ANXA4: variants seen among roughly 807,000 people sequenced by gnomAD.
The protein encoded by ANXA4 is annexin A4.
A neutral mutation model predicts 49.8 loss-of-function variants in ANXA4; 39 were observed. That is an observed-to-expected ratio of 0.78 (90% confidence interval 0.61 to 1.02). The LOEUF (loss-of-function observed/expected upper bound fraction) is 1.02, where lower values mean the gene tolerates loss of function less well. ANXA4 is among the 50% of genes least tolerant of loss of function. The probability of loss-of-function intolerance (pLI) is 0.00; values close to 1 mark genes in which losing one functional copy is unlikely to be tolerated. For synonymous variants in ANXA4, 134 were observed against 152.5 expected (o/e 0.88, Z 0.89); for missense variants, 360 against 410.1 (o/e 0.88, Z 1.05).
intron 3 of ANXA4, among the ~76,000 whole-genome samples, chr2:69,727,904 C>T (rs1670001575): frequency 6.6e-6 from 1 of 152,188 alleles, no homozygotes; most frequent in African/African-American, 2.4e-5. Context: ...TAACCTAAGT[C>T]AGTTCTTCAG....
Position 69,788,156 on chromosome 2 carries a change from G to A in ANXA4, c.97+15G>A. On this transcript the variant is annotated intron_variant, in intron 3 of 12. Coordinates refer to ENST00000394295, the MANE Select transcript of ANXA4 (RefSeq NM_001153.5). ...GAAAGGGCTCGGTATGTGTCCTGCT[G>A]GAAGTGAATCCTCCTGCGTGCATTG... is the stretch of plus-strand genomic sequence containing the variant. The A allele has an allele frequency of 1.9e-6, 3 of 1,608,972 alleles. No individual in the cohort carries two copies. Among genetic ancestry groups the A allele is most frequent in the Non-Finnish European group, 2.6e-6 (3 of 1,175,498 alleles).
chr2:69,773,733 G>A (rs1477084861), intron 1 of ANXA4, among the ~76,000 whole-genome samples: 1 of 145,424 alleles, frequency 6.9e-6, no homozygotes, highest in Admixed American at 7.2e-5. Flanking sequence ...CTGGGTTCAA[G>A]CAATTCTACT....
At chr2:69,690,324 C>T (rs968070534) in intron 2 of ANXA4, among the ~76,000 whole-genome samples, 12 of 152,080 alleles carry the variant, frequency 7.9e-5, no homozygotes, top group Non-Finnish European at 1.6e-4. Context: ...CTGCAGCCTC[C>T]ACCTCCTGGG....
upstream of ANXA4, among the ~76,000 whole-genome samples, chr2:69,740,678 C>CTTTTT (rs1670363934): frequency 1.1e-5 from 1 of 94,652 alleles, no homozygotes; most frequent in South Asian, 2.8e-4. Flanking sequence ...TTCTTTCTTC[C>CTTTTT]TCTTTTTTTT....
chr2:69,824,456 T>C (rs139561100), intron 12 of ANXA4, among the ~76,000 whole-genome samples: 3 of 150,458 alleles, frequency 2.0e-5, no homozygotes, highest in East Asian at 3.9e-4. Context: ...TGAGCCAGGA[T>C]TGCACCATTG....
At chr2:69,660,206 C>T (rs963814413) in intron 2 of ANXA4, among the ~76,000 whole-genome samples, 6 of 152,202 alleles carry the variant, frequency 3.9e-5, no homozygotes, top group Non-Finnish European at 7.3e-5. Flanking sequence ...ACCTGCTTTT[C>T]ACATTGCTTT....
chr2:69,805,560 C>T (rs1055483647), intron 4 of ANXA4, among the ~76,000 whole-genome samples: 4 of 150,062 alleles, frequency 2.7e-5, no homozygotes, highest in South Asian at 2.1e-4. Context: ...GAGTCAAGAT[C>T]GTGCCACTGC....
chr2:69,673,687 GACACACACACACACACAC>G (rs72114703), intron 2 of ANXA4, among the ~76,000 whole-genome samples: 5 of 139,128 alleles, frequency 3.6e-5, no homozygotes, highest in African/African-American at 1.1e-4. Flanking sequence ...TTTTTTCAAA[GACACACACACACACACAC>G]ACACACACAC....
At chr2:69,820,030 T>C (rs1242317021) in intron 11 of ANXA4, among the ~76,000 whole-genome samples, 25 of 149,510 alleles carry the variant, frequency 1.7e-4, no homozygotes, top group African/African-American at 5.9e-4. Flanking sequence ...ATTGCACTAC[T>C]GCACTCCAGC....
intron 1 of ANXA4, among the ~76,000 whole-genome samples, chr2:69,651,816 TTGGGGG>T (rs1676250996): frequency 2.7e-4 from 5 of 18,840 alleles, no homozygotes; most frequent in African/African-American, 5.1e-4. Flanking sequence ...TTTTTTTTTT[TTGGGGG>T]GGGGGGGCGG....
intron 2 of ANXA4, 96 bp downstream of exon 2, chr2:69,781,670 ACTCAAC>A: frequency 4.9e-6 from 7 of 1,423,480 alleles, no homozygotes; most frequent in Non-Finnish European, 6.9e-6. Context: ...AGCATTGTTT[ACTCAAC>A]AGAGGGGAAG....
At chr2:69,673,491 TGGGGTTGGGGGTTG>T (rs1276823648) in intron 2 of ANXA4, among the ~76,000 whole-genome samples, 1 of 37,038 alleles carries the variant, frequency 2.7e-5, no homozygotes, top group African/African-American at 1.1e-4. Context: ...CATCACACGC[TGGGGTTGGGGGTTG>T]GGGATTGGGG....
At chr2:69,722,743 C>A (rs987888926) in intron 3 of ANXA4, among the ~76,000 whole-genome samples, 1 of 150,678 alleles carries the variant, frequency 6.6e-6, no homozygotes, top group Non-Finnish European at 1.5e-5. Context: ...AATTTATGCA[C>A]GTCAAAATGT....
At chr2:69,703,526 G>A (rs1187428471) in intron 2 of ANXA4, among the ~76,000 whole-genome samples, 1 of 152,064 alleles carries the variant, frequency 6.6e-6, no homozygotes, top group African/African-American at 2.4e-5. Flanking sequence ...TTTTGTGTCT[G>A]ACTTCTTTAT....
intron 2 of ANXA4, chr2:69,700,126 A>G (rs1322779495): frequency 1.3e-5 from 2 of 152,262 alleles, no homozygotes; most frequent in Non-Finnish European, 2.9e-5. Context: ...TTTTTTAAAG[A>G]AAGTGATTAG....
intron 2 of ANXA4, among the ~76,000 whole-genome samples, chr2:69,656,262 T>TATATATGTATATACGTATATATATAC (rs1553426784): frequency 7.2e-6 from 1 of 138,232 alleles, no homozygotes; most frequent in African/African-American, 2.6e-5. Context: ...TATATACGTA[T>TATATATGTATATACGTATATATATAC]ATATATGTAT....
At chr2:69,766,045 G>A (rs1036423594) in intron 1 of ANXA4, among the ~76,000 whole-genome samples, 1 of 152,338 alleles carries the variant, frequency 6.6e-6, no homozygotes, top group Non-Finnish European at 1.5e-5. Context: ...GGAAGATGCT[G>A]CCTTAGAATT....
At chr2:69,665,314 G>C (rs1676895217) in intron 2 of ANXA4, among the ~76,000 whole-genome samples, 1 of 152,072 alleles carries the variant, frequency 6.6e-6, no homozygotes, top group African/African-American at 2.4e-5. Flanking sequence ...AGCGGTTTGA[G>C]TTTTCCCTGT....
chr2:69,825,165 G>T (rs1674418846), intron 12 of ANXA4, among the ~76,000 whole-genome samples: 1 of 151,192 alleles, frequency 6.6e-6, no homozygotes, highest in Non-Finnish European at 1.5e-5. Context: ...GAATACTACT[G>T]TTCTATCACA....
Sources: gnomAD v4.1 joint callset for allele counts (sites outside exome capture counted in the v4.1 genomes callset) on GRCh38, gnomAD v4.1.1 for gene constraint, MANE v1.5 for transcripts, NCBI Gene and HGNC (gene_info 2026-07-23, HGNC 2026-07-21) for gene names.